Variants in SMARCA4 observed in about 807,000 individuals in gnomAD.
SMARCA4 encodes the protein SWI/SNF-related matrix-associated actin-dependent regulator of chromatin subfamily A member 4.
SMARCA4 carries 31 observed loss-of-function variants against 193.9 expected under a neutral mutation model. That is an observed-to-expected ratio of 0.16 (90% confidence interval 0.12 to 0.22). The LOEUF is 0.22. Ranked by LOEUF, SMARCA4 falls within the 10% of genes least tolerant of loss-of-function variation. SMARCA4 has a pLI of 1.00. For missense variants in SMARCA4, 1,148 were observed against 2,296.0 expected (o/e 0.50, Z 10.22); for synonymous variants, 942 against 933.1 (o/e 1.01, Z -0.17).
At position 11,009,007 on chromosome 19, in the gene SMARCA4, C is replaced by CTTTTTTTTTTTTTTTTTTTTTTTTT. The variant is rs762148337; in HGVS notation, c.2123+994_2123+1018dup. Among the ~76,000 whole-genome samples, 8 of 40,948 alleles carry CTTTTTTTTTTTTTTTTTTTTTTTTT rather than the reference C, an allele frequency of 2.0e-4. 2 individuals are homozygous for CTTTTTTTTTTTTTTTTTTTTTTTTT. The highest frequency in any genetic ancestry group is 9.8e-4 in the Admixed American group (2 of 2,038). The allele number at this position is 40,948 out of a possible 152,430, so 26.9% of individuals were successfully genotyped here. On this transcript the variant is annotated intron_variant, in intron 14 of 34. Transcript: ENST00000344626. ...AAAAAATGTAGGTGGATAAAAGTCA[C>CTTTTTTTTTTTTTTTTTTTTTTTTT]TTTTTTTTTTTTTTTTTTTTTTTTT...
In SMARCA4 at chr19:11,034,088, C is replaced by T. The variant is rs2075113731; in HGVS notation, c.3874-35C>T. On this transcript the variant is annotated intron_variant, in intron 27 of 34. Transcript: ENST00000344626. The surrounding 1 kb of genome is among the most constrained non-coding windows in gnomAD (Gnocchi z 7.0). Reference sequence around the variant, plus strand: ...GCTCGGCCGCCGCCCACCCCGGCCCCTCCTCAGCGGCACTGACAGTTTGCA... The same window carrying T: ...GCTCGGCCGCCGCCCACCCCGGCCCTTCCTCAGCGGCACTGACAGTTTGCA... 6.3e-7 allele frequency: 1 copy of T among 1,575,738 alleles called. No homozygotes were observed. The highest frequency in any genetic ancestry group is 8.7e-7 in the Non-Finnish European group (1 of 1,146,072).
intron 6 of SMARCA4, among the ~76,000 whole-genome samples, chr19:10,988,222 G>C (rs188629943): frequency 3.7e-4 from 57 of 152,144 alleles, no homozygotes; most frequent in Middle Eastern, 3.4e-3. Context: ...CTGGCTTCAA[G>C]CGATTCTTCT....
At chr19:11,045,973 C>T (rs967366488) in intron 30 of SMARCA4, among the ~76,000 whole-genome samples, 2 of 152,106 alleles carry the variant, frequency 1.3e-5, no homozygotes, top group Admixed American at 1.3e-4. Flanking sequence ...CCTGTAATCC[C>T]AGCACTTTGG....
In SMARCA4 at chr19:11,061,619, G is replaced by T; in HGVS notation, c.4912-165G>T. 4 of 707,742 alleles carry T rather than the reference G, an allele frequency of 5.7e-6. 1 individual carries two copies. The highest frequency in any genetic ancestry group is 5.3e-5 in the East Asian group (2 of 37,950). 43.8% of individuals were successfully genotyped at this position (707,742 alleles called of 1,614,324 possible). On this transcript the variant is annotated intron_variant, in intron 34 of 34. Transcript: ENST00000344626. Reference sequence around the variant, plus strand: ...TCTCGATCTCCTGACCTCGTGATCCGCCCGCCTTGGCCTTCCAAAGTGCTG... The same window carrying T: ...TCTCGATCTCCTGACCTCGTGATCCTCCCGCCTTGGCCTTCCAAAGTGCTG...
At chr19:10,972,357 A>T (rs1297830729) in intron 1 of SMARCA4, among the ~76,000 whole-genome samples, 1 of 151,396 alleles carries the variant, frequency 6.6e-6, no homozygotes, top group Non-Finnish European at 1.5e-5. Context: ...CGGCCTCCCA[A>T]AGTGTTGGGA....
chr19:10,998,581 T>G, intron 11 of SMARCA4, among the ~76,000 whole-genome samples: 1 of 152,028 alleles, frequency 6.6e-6, no homozygotes, highest in East Asian at 1.9e-4. Flanking sequence ...TCGTTCTTTC[T>G]GCATTGATTT....
At position 10,986,544 on chromosome 19, in the gene SMARCA4, C is replaced by T. The variant is rs1380829783; in HGVS notation, c.711C>T (p.Gly237=). ...ATGPGPGPGP[G]PGPGPGPAPP... ...GACCCGGCCCTGGCCCTGGCCCTGGCCCCGGCCCGGGTCCCGGCCCGGCAC... is the reference window on the plus strand; with the variant it reads ...GACCCGGCCCTGGCCCTGGCCCTGGTCCCGGCCCGGGTCCCGGCCCGGCAC... Residue 237 remains glycine (G), a synonymous_variant, in exon 4 of 35, where the codon GGC becomes GGT. Transcript: ENST00000344626. The surrounding 1 kb of genome is among the most constrained non-coding windows in gnomAD (Gnocchi z 6.7). The T allele has an allele frequency of 1.3e-6, 2 of 1,540,094 alleles. No homozygotes were observed. Among genetic ancestry groups the T allele is most frequent in the Non-Finnish European group, 8.7e-7 (1 of 1,146,476 alleles).
rs978380601 is a variant in SMARCA4 at position 11,019,286 on chromosome 19, G to A, written c.2505+263G>A. On this transcript the variant is annotated intron_variant, in intron 17 of 34. Coordinates refer to ENST00000344626, the MANE Select transcript of SMARCA4 (RefSeq NM_003072.5). The surrounding 1 kb of genome is among the most constrained non-coding windows in gnomAD (Gnocchi z 6.1). ...GAGGCCAGCTCAGGCGCCTGAGATG[G>A]GGACCCAGGAAGAGGGGAGCCTGTC... The A allele has an allele frequency of 4.9e-6, 3 of 610,322 alleles. No homozygotes were observed. Among genetic ancestry groups the A allele is most frequent in the Non-Finnish European group, 8.8e-6 (3 of 341,510 alleles). 37.8% of individuals were successfully genotyped at this position (610,322 alleles called of 1,614,324 possible). A position where few individuals can be genotyped will look rare whatever the true frequency, so the allele number is the denominator to read the frequency against.
rs140377414 is a variant in SMARCA4 at position 11,061,188 on chromosome 19, TAAA to T, written c.4912-581_4912-579del. 2.7e-3 allele frequency among the ~76,000 whole-genome samples: 184 copies of T among 68,804 alleles called. 4 individuals are homozygous for T. The highest frequency in any genetic ancestry group is 0.014 in the East Asian group (31 of 2,204). The allele number at this position is 68,804 out of a possible 152,430, so 45.1% of individuals were successfully genotyped here. On this transcript the variant is annotated intron_variant, in intron 34 of 34. Transcript: ENST00000344626. ...GGGCAACAGAGCAAGACCCTGTCTT[TAAA>T]AAAAAAAAAAAAAATATATATATAT...
rs2089671641 is a variant in SMARCA4 at position 11,019,523 on chromosome 19, C to G, written c.2506-68C>G. On this transcript the variant is annotated intron_variant, in intron 17 of 34. Coordinates refer to ENST00000344626, the MANE Select transcript of SMARCA4 (RefSeq NM_003072.5). This position sits in a 1 kb window ranked among gnomAD's most constrained non-coding sequence, Gnocchi z 6.1. ...GTCACTGGGCAGTTGCAGGGGGTGC[C>G]TGTGCCCCTCTTGCCACCTGGCCAC... 4.6e-5 allele frequency: 44 copies of G among 951,212 alleles called. No individual in the cohort carries two copies. In the South Asian group the frequency reaches 5.7e-4, roughly 12 times the overall value. 58.9% of individuals were successfully genotyped at this position (951,212 alleles called of 1,614,324 possible). A position where few individuals can be genotyped will look rare whatever the true frequency, so the allele number is the denominator to read the frequency against.
chr19:11,021,355 CAGCAGGACAAG>C, intron 18 of SMARCA4: 1 of 374,812 alleles, frequency 2.7e-6, no homozygotes, highest in Non-Finnish European at 5.3e-6. Context: ...CCCTCCACAC[CAGCAGGACAAG>C]TCCCCCAGTC....
At chr19:11,010,940 CTG>C in intron 15 of SMARCA4, 1 of 294,618 alleles carries the variant, frequency 3.4e-6, no homozygotes, top group South Asian at 3.3e-5. Context: ...TACCTGAGCT[CTG>C]TGTGGTGTGA....
At chr19:10,980,654 T>C (rs990901715) in intron 1 of SMARCA4, 8 of 151,164 alleles carry the variant, frequency 5.3e-5, no homozygotes, top group Non-Finnish European at 1.0e-4. Flanking sequence ...AAATGTACAA[T>C]GAGGAGAGCT....
intron 8 of SMARCA4, among the ~76,000 whole-genome samples, 177 bp from the exon 9 acceptor site, chr19:10,994,651 G>A (rs1250332021): frequency 6.6e-6 from 1 of 151,722 alleles, no homozygotes; most frequent in Admixed American, 6.6e-5. Context: ...AGTAGAGACG[G>A]GGTTTCACCG....
chr19:11,053,622 A>G (rs2147016980), intron 30 of SMARCA4, among the ~76,000 whole-genome samples: 1 of 152,264 alleles, frequency 6.6e-6, no homozygotes, highest in South Asian at 2.1e-4. Flanking sequence ...TCAAATATTT[A>G]CACTGAGCTG....
At chr19:11,054,121 C>T (rs1299817396) in intron 30 of SMARCA4, among the ~76,000 whole-genome samples, 1 of 152,248 alleles carries the variant, frequency 6.6e-6, no homozygotes, top group Non-Finnish European at 1.5e-5. Context: ...ACAAGCACCA[C>T]TCACGCTGGC....
Position 10,986,956 on chromosome 19 carries a change from G to T in SMARCA4, c.812G>T (p.Gly271Val). Reference sequence around the variant, plus strand: ...CCAGGACCCTCGGGCGTGCCCCCCGGGATGCCAGGCCAGCCTCCTGGAGGG... The same window carrying T: ...CCAGGACCCTCGGGCGTGCCCCCCGTGATGCCAGGCCAGCCTCCTGGAGGG... The part of the protein sequence containing the change: ...PPPGPSGVPP[G>V]MPGQPPGGPP... The change falls in exon 5 of 35, where the codon GGG (glycine) becomes GTG (valine). Residue 271 changes from glycine (G) to valine (V), a missense_variant. Transcript: ENST00000344626. The surrounding 1 kb of genome is among the most constrained non-coding windows in gnomAD (Gnocchi z 6.7). 6.2e-7 allele frequency: 1 copy of T among 1,610,516 alleles called. No homozygotes were observed.
In SMARCA4 at chr19:11,019,327, G is replaced by A. The variant is rs1270873666; in HGVS notation, c.2506-264G>A. Reference sequence around the variant, plus strand: ...GGAGCCTGTCAGCCACCAGGAATGTGCAGATGGCGGTGCAGGCTGCGTGGT... The same window carrying A: ...GGAGCCTGTCAGCCACCAGGAATGTACAGATGGCGGTGCAGGCTGCGTGGT... On this transcript the variant is annotated intron_variant, in intron 17 of 34. Transcript: ENST00000344626. This position sits in a 1 kb window ranked among gnomAD's most constrained non-coding sequence, Gnocchi z 6.1. 2 of 605,628 alleles carry A rather than the reference G, an allele frequency of 3.3e-6. No individual in the cohort carries two copies. Among genetic ancestry groups the A allele is most frequent in the Non-Finnish European group, 5.9e-6 (2 of 339,498 alleles). The allele number at this position is 605,628 out of a possible 1,614,324, so 37.5% of individuals were successfully genotyped here. A position where few individuals can be genotyped will look rare whatever the true frequency, so the allele number is the denominator to read the frequency against.
At chr19:11,023,936 C>T (rs1434290191) in intron 20 of SMARCA4, among the ~76,000 whole-genome samples, 1 of 152,222 alleles carries the variant, frequency 6.6e-6, no homozygotes, top group Non-Finnish European at 1.5e-5. Flanking sequence ...TTGGGGTTGC[C>T]CCCCGGCCCC....
Sources: allele counts gnomAD v4.1 joint callset (sites outside exome capture counted in the v4.1 genomes callset), GRCh38; gene constraint gnomAD v4.1.1; non-coding constraint Gnocchi (gnomAD v3.1); transcripts MANE v1.5; gene names NCBI Gene and HGNC (gene_info 2026-07-23, HGNC 2026-07-21).